Variants in DST observed in about 807,000 individuals in gnomAD.
DST encodes bullous pemphigoid antigen.
DST carries 253 observed loss-of-function variants against 875.2 expected under a neutral mutation model. That is an observed-to-expected ratio of 0.29 (90% confidence interval 0.26 to 0.32). The LOEUF is 0.32. DST is among the 10% of genes least tolerant of loss of function. DST has a pLI of 1.00. For missense variants in DST, 8,287 were observed against 9,111.6 expected (o/e 0.91, Z 3.68); for synonymous variants, 3,124 against 3,197.1 (o/e 0.98, Z 0.77).
At chr6:56,590,563 GA>G (rs539104023) in intron 49 of DST, among the ~76,000 whole-genome samples, 71 of 152,086 alleles carry the variant, frequency 4.7e-4, no homozygotes, top group African/African-American at 1.7e-3. Flanking sequence ...AATACATGGG[GA>G]TATAAAAACT....
chr6:56,713,760 C>CT (rs1280275386), intron 5 of DST, among the ~76,000 whole-genome samples: 1 of 152,114 alleles, frequency 6.6e-6, no homozygotes, highest in Admixed American at 6.5e-5. Context: ...TGCTTCATCT[C>CT]TTTTTTTCAA....
intron 91 of DST, 124 bp from the exon 92 acceptor site, chr6:56,476,461 G>C (rs568786921): frequency 7.4e-6 from 6 of 811,940 alleles, no homozygotes. Flanking sequence ...TAATGCTTCT[G>C]GTCTTTTTAG....
chr6:56,673,173 A>G (rs2099110885), intron 9 of DST, among the ~76,000 whole-genome samples: 1 of 152,150 alleles, frequency 6.6e-6, no homozygotes, highest in Non-Finnish European at 1.5e-5. Context: ...TGAGTCTAGG[A>G]GGTTGAGGCT....
At chr6:56,660,805 T>C (rs1484608269) in intron 10 of DST, among the ~76,000 whole-genome samples, 2 of 151,202 alleles carry the variant, frequency 1.3e-5, no homozygotes, top group East Asian at 1.9e-4. Context: ...AACAACAAGG[T>C]AGACAGCAAA....
chr6:56,699,767 G>C (rs2099285073), intron 8 of DST, 22 bp from the exon 9 acceptor site: 3 of 1,167,022 alleles, frequency 2.6e-6, no homozygotes, highest in Non-Finnish European at 3.6e-6. Context: ...GTGAAGAAGA[G>C]ATAAAACCAA....
intron 88 of DST, chr6:56,483,735 A>T (rs983664913): frequency 2.0e-5 from 3 of 151,878 alleles, no homozygotes; most frequent in Non-Finnish European, 2.9e-5. Context: ...ATGTGTTTTT[A>T]AAAAAATCAT....
chr6:56,716,307 AAGG>A (rs2152901695), intron 5 of DST, among the ~76,000 whole-genome samples: 1 of 152,372 alleles, frequency 6.6e-6, no homozygotes, highest in East Asian at 1.9e-4. Flanking sequence ...TCAGTGGAGA[AAGG>A]ATAGCCTTTT....
Position 56,587,065 on chromosome 6 carries a change from G to A in DST, c.12903+5117C>T, listed in dbSNP as rs553870628. Among the ~76,000 whole-genome samples the A allele has an allele frequency of 1.7e-4, 26 of 152,330 alleles. No individual in the cohort carries two copies. In the Middle Eastern group the frequency reaches 0.014, roughly 80 times the overall value. ...AACGGAACAAAGCTGGACGGAGAAT[G>A]ACTTTGACGAGTTGAGAGAAGAAGG... On this transcript the variant is annotated intron_variant, in intron 49 of 103. Transcript: ENST00000680361.
rs566853206 is a variant in DST, at chr6:56,492,905, G to C, written c.20550+29C>G. On this transcript the variant is annotated intron_variant, in intron 84 of 103. Transcript: ENST00000680361. Reference sequence around the variant, plus strand: ...AAAAAAAGCCTGGTGTCTGAAAAGAGAATCCTATCTATTTGACTCACTACA... The same window carrying C: ...AAAAAAAGCCTGGTGTCTGAAAAGACAATCCTATCTATTTGACTCACTACA... 24 of 1,440,162 alleles carry C rather than the reference G, an allele frequency of 1.7e-5. No individual in the cohort carries two copies. The South Asian group carries it at 2.8e-4, about 17-fold the overall frequency. The allele number at this position is 1,440,162 out of a possible 1,614,324, so 89.2% of individuals were successfully genotyped here. A position where few individuals can be genotyped will look rare whatever the true frequency, so the allele number is the denominator to read the frequency against.
At chr6:56,601,416 AT>A (rs747147014) in intron 44 of DST, 26 bp downstream of exon 44, 1 of 1,461,796 alleles carries the variant, frequency 6.8e-7, no homozygotes. Context: ...AAAACAATGA[AT>A]GCCAACTCCA....
intron 5 of DST, among the ~76,000 whole-genome samples, chr6:56,730,489 A>G (rs2099493249): frequency 6.6e-6 from 1 of 152,208 alleles, no homozygotes; most frequent in African/African-American, 2.4e-5. Flanking sequence ...AACAACAAGT[A>G]GTTATATAAA....
chr6:56,932,593 ACT>A (rs1431381695), intron 2 of DST, among the ~76,000 whole-genome samples: 2 of 152,120 alleles, frequency 1.3e-5, no homozygotes, highest in African/African-American at 4.8e-5. Context: ...ATGCCTGGTA[ACT>A]CTAGTTTACT....
At chr6:56,659,547 T>C (rs1286356392) in intron 10 of DST, among the ~76,000 whole-genome samples, 13 of 152,200 alleles carry the variant, frequency 8.5e-5, no homozygotes, top group Non-Finnish European at 1.6e-4. Context: ...GATTTAGCTA[T>C]ACAGAAGTCA....
intron 8 of DST, among the ~76,000 whole-genome samples, chr6:56,701,117 T>C (rs967498780): frequency 1.3e-5 from 2 of 151,768 alleles, no homozygotes; most frequent in African/African-American, 4.8e-5. Context: ...AGTGCTGAGA[T>C]TACTGGCATG....
rs1014372405 is a variant in DST, at chr6:56,808,253, TA to T, written c.625+43143del. 5.2e-4 allele frequency among the ~76,000 whole-genome samples: 75 copies of T among 144,264 alleles called. No homozygotes were observed. The South Asian group carries it at 5.7e-3, about 11-fold the overall frequency. The allele number at this position is 144,264 out of a possible 152,430, so 94.6% of individuals were successfully genotyped here. On this transcript the variant is annotated intron_variant, in intron 4 of 103. Coordinates refer to ENST00000680361, the MANE Select transcript of DST (RefSeq NM_001374736.1). ...TTCTTTTGAAAAACAGTACTTTGTT[TA>T]AAAAAAAAAAACCAACTGAGATTGT...
intron 58 of DST, among the ~76,000 whole-genome samples, chr6:56,560,040 C>A (rs2097510768): frequency 6.6e-6 from 1 of 152,090 alleles, no homozygotes. Context: ...CCATGCACAG[C>A]ACTTCATTAA....
chr6:56,609,847 G>A (rs1000512444), intron 39 of DST, among the ~76,000 whole-genome samples: 13 of 152,160 alleles, frequency 8.5e-5, no homozygotes, highest in African/African-American at 3.1e-4. Context: ...TATGTGGAAA[G>A]TATTCCCAGG....
chr6:56,830,599 C>A (rs1461544629), intron 4 of DST, among the ~76,000 whole-genome samples: 1 of 152,126 alleles, frequency 6.6e-6, no homozygotes, highest in Non-Finnish European at 1.5e-5. Flanking sequence ...AAATGTACAA[C>A]CCTCTAATTT....
rs181890991 is a variant in DST at position 56,842,085 on chromosome 6, T to A, written c.625+9312A>T. On this transcript the variant is annotated intron_variant, in intron 4 of 103. Transcript: ENST00000680361. Reference sequence around the variant, plus strand: ...TTGGAATTTTATTGTTTAGTTCAATTTTTTTTTATTTCTACTTTCTACTAA... The same window carrying A: ...TTGGAATTTTATTGTTTAGTTCAATATTTTTTTATTTCTACTTTCTACTAA... Among the ~76,000 whole-genome samples, 341 of 152,116 alleles carry A rather than the reference T, an allele frequency of 2.2e-3. 6 individuals carry two copies. The highest frequency in any genetic ancestry group is 7.8e-3 in the African/African-American group (323 of 41,520).
Sources: allele counts gnomAD v4.1 joint callset (sites outside exome capture counted in the v4.1 genomes callset), GRCh38; gene constraint gnomAD v4.1.1; transcripts MANE v1.5; gene names NCBI Gene and HGNC (gene_info 2026-07-23, HGNC 2026-07-21).